Variants in FBXL13 observed in about 807,000 individuals in gnomAD.
FBXL13 encodes F-box and leucine-rich repeat protein 13.
A neutral mutation model predicts 83.6 loss-of-function variants in FBXL13; 67 were observed. That is an observed-to-expected ratio of 0.80 (90% CI 0.66 to 0.98). FBXL13 has a LOEUF of 0.98. Among genes scored for constraint, FBXL13 ranks in the 50% least tolerant of loss-of-function variants. The pLI, the probability that FBXL13 is intolerant of heterozygous loss-of-function variation, is 0.00. For missense variants in FBXL13, 822 were observed against 866.5 expected, an observed-to-expected ratio of 0.95 and a Z score of 0.64; for synonymous variants, 272 against 299.5, an observed-to-expected ratio of 0.91 and a Z score of 0.95.
At position 102,944,103 on chromosome 7, in the gene FBXL13, A is replaced by G. The variant is rs572051307; in HGVS notation, c.725-12170T>C. 1.0e-5 allele frequency: 9 copies of G among 867,798 alleles called. No homozygotes were observed. In the South Asian group the frequency reaches 2.1e-4, roughly 20 times the overall value. 53.8% of individuals were successfully genotyped at this position (867,798 alleles called of 1,614,324 possible). A position where few individuals can be genotyped will look rare whatever the true frequency, so the allele number is the denominator to read the frequency against. The stretch of plus-strand genomic sequence containing the variant: ...AAGGAAAAGAAATCTCTTTATTTTC[A>G]AAGGGGAAAATTAAGCCTCTTTTTA... On this transcript the variant is annotated intron_variant, in intron 8 of 19. Transcript: ENST00000313221.
intron 7 of FBXL13, among the ~76,000 whole-genome samples, chr7:102,965,405 TAGTGTAGCATCTGGCATA>T (rs1485911040): frequency 1.2e-4 from 19 of 152,178 alleles, no homozygotes; most frequent in Non-Finnish European, 2.2e-4. Context: ...ATAAAGTACT[TAGTGTAGCATCTGGCATA>T]TAAGAAAGCA....
intron 6 of FBXL13, among the ~76,000 whole-genome samples, chr7:102,970,527 A>G (rs891749416): frequency 2.6e-5 from 4 of 152,160 alleles, no homozygotes; most frequent in African/African-American, 4.8e-5. Flanking sequence ...ATTTGGCAGA[A>G]ATAAATATCA....
intron 2 of FBXL13, among the ~76,000 whole-genome samples, chr7:103,034,989 A>C (rs1794933038): frequency 6.6e-6 from 1 of 152,252 alleles, no homozygotes; most frequent in South Asian, 2.1e-4. Context: ...GTATTGCCAC[A>C]AAGTGGTACT....
At chr7:102,912,011 C>A (rs1204723034) in intron 11 of FBXL13, among the ~76,000 whole-genome samples, 1 of 152,154 alleles carries the variant, frequency 6.6e-6, no homozygotes, top group Non-Finnish European at 1.5e-5. Context: ...CATTCAAGAA[C>A]CCTGGGGGAG....
intron 10 of FBXL13, among the ~76,000 whole-genome samples, chr7:102,920,121 G>A (rs985427775): frequency 3.3e-5 from 5 of 152,330 alleles, no homozygotes; most frequent in Admixed American, 6.5e-5. Flanking sequence ...GTGTACCACA[G>A]GAGTAGTCAA....
At chr7:102,999,073 AT>A (rs1790120144) in intron 6 of FBXL13, among the ~76,000 whole-genome samples, 1 of 150,436 alleles carries the variant, frequency 6.6e-6, no homozygotes, top group Admixed American at 6.6e-5. Flanking sequence ...TACAGTCTTT[AT>A]TTTTTGAGGT....
intron 8 of FBXL13, among the ~76,000 whole-genome samples, chr7:102,937,199 GATT>G (rs1820488577): frequency 6.6e-6 from 1 of 152,160 alleles, no homozygotes; most frequent in South Asian, 2.1e-4. Flanking sequence ...TATTATTTTA[GATT>G]ATAAGACGAA....
chr7:102,978,324 A>G lies in FBXL13; in HGVS notation c.496-10207T>C, dbSNP rs1371645872. ...TTCTATAACCAAATAGAAAGGAATG[A>G]AGGATTCTCCCCAGGGCCTGAAAGC... is the stretch of plus-strand genomic sequence containing the variant. On this transcript the variant is annotated intron_variant, in intron 6 of 19. Coordinates refer to ENST00000313221, the Ensembl canonical transcript of FBXL13. The G allele has an allele frequency of 2.6e-5, 4 of 152,322 alleles. No homozygotes were observed. In the East Asian group the frequency reaches 5.8e-4, roughly 22 times the overall value. The allele number at this position is 152,322 out of a possible 1,614,324, so 9.4% of individuals were successfully genotyped here.
chr7:102,840,056 G>C (rs113820090), intron 17 of FBXL13, among the ~76,000 whole-genome samples: 24 of 152,078 alleles, frequency 1.6e-4, no homozygotes, highest in African/African-American at 5.8e-4. Flanking sequence ...AAAAATAAAG[G>C]AATTATCTTT....
At chr7:103,059,575 C>T (rs1797658069) in intron 1 of FBXL13, among the ~76,000 whole-genome samples, 1 of 152,172 alleles carries the variant, frequency 6.6e-6, no homozygotes, top group South Asian at 2.1e-4. Flanking sequence ...AAAACTTACA[C>T]AATCAAGGAC....
chr7:102,819,084 G>A (rs1798434463), intron 19 of FBXL13, among the ~76,000 whole-genome samples: 1 of 151,838 alleles, frequency 6.6e-6, no homozygotes, highest in Non-Finnish European at 1.5e-5. Context: ...TAGCCTTTTC[G>A]CTAACTATAC....
intron 2 of FBXL13, among the ~76,000 whole-genome samples, chr7:103,048,479 T>C (rs931025097): frequency 6.6e-6 from 1 of 151,974 alleles, no homozygotes; most frequent in Non-Finnish European, 1.5e-5. Context: ...CATGAAAATC[T>C]TGTTCAAGAG....
exon 2 of FBXL13, chr7:103,055,726 C>A (rs1797267559): frequency 7.8e-7 from 1 of 1,281,934 alleles, no homozygotes. Flanking sequence ...GGACATGTAA[C>A]AAGTATACCA....
intron 17 of FBXL13, among the ~76,000 whole-genome samples, chr7:102,838,698 T>C (rs1562973249): frequency 6.6e-6 from 1 of 152,104 alleles, no homozygotes; most frequent in East Asian, 1.9e-4. Context: ...GGATCTAGGG[T>C]TGTGCAGGAT....
intron 16 of FBXL13, among the ~76,000 whole-genome samples, chr7:102,861,039 T>C (rs1198079698): frequency 6.6e-6 from 1 of 151,972 alleles, no homozygotes; most frequent in East Asian, 1.9e-4. Flanking sequence ...TTCCCTGAAC[T>C]ACTTGAAAAT....
At chr7:102,967,971 T>C (rs1211796542) in intron 7 of FBXL13, 51 bp downstream of exon 8, 5 of 1,401,708 alleles carry the variant, frequency 3.6e-6, no homozygotes, top group Admixed American at 1.7e-5. Flanking sequence ...CAGCAGTCCA[T>C]TCTCCTTTAA....
chr7:103,045,757 A>T (rs1311471690), intron 2 of FBXL13, among the ~76,000 whole-genome samples: 1 of 152,216 alleles, frequency 6.6e-6, no homozygotes, highest in Non-Finnish European at 1.5e-5. Flanking sequence ...GGCCTCCCAC[A>T]ACTTTGTTTA....
intron 8 of FBXL13, chr7:102,944,076 G>T (rs1466666527): frequency 1.5e-6 from 1 of 689,392 alleles, no homozygotes; most frequent in East Asian, 2.8e-5. Context: ...CTGAGAAAAA[G>T]AAAGGAAAAG....
intron 18 of FBXL13, among the ~76,000 whole-genome samples, chr7:102,825,392 A>G (rs953139583): frequency 5.9e-5 from 9 of 152,322 alleles, no homozygotes; most frequent in African/African-American, 1.7e-4. Context: ...CTCCCTTGCC[A>G]TGCGATTCCC....
Sources: allele counts gnomAD v4.1 joint callset (sites outside exome capture counted in the v4.1 genomes callset), GRCh38; gene constraint gnomAD v4.1.1; transcripts MANE v1.5; gene names NCBI Gene and HGNC (gene_info 2026-07-23, HGNC 2026-07-21).